The following RAD51C variants were observed in gnomAD, a reference collection of about 807,000 sequenced individuals.
RAD51C encodes the protein RAD51 paralog C.
In RAD51C, 42 loss-of-function variants were observed where a neutral mutation model predicts 45.0. That is an observed-to-expected ratio of 0.93 (90% CI 0.73 to 1.21). The LOEUF is 1.21. Among genes scored for constraint, RAD51C ranks in the 50% most tolerant of loss-of-function variants. The probability of loss-of-function intolerance (pLI) is 0.00; values close to 1 mark genes in which losing one functional copy is unlikely to be tolerated. For missense variants in RAD51C, 474 were observed against 452.2 expected (o/e 1.05, Z -0.44); for synonymous variants, 172 against 159.8 (o/e 1.08, Z -0.58).
At position 58,708,600 on chromosome 17, in the gene RAD51C, T is replaced by A. The variant is rs534215209; in HGVS notation, c.706-1259T>A. Among the ~76,000 whole-genome samples, 5 of 152,204 alleles carry A rather than the reference T, an allele frequency of 3.3e-5. No homozygotes were observed. The South Asian group carries it at 6.2e-4, about 19-fold the overall frequency. ...AAAAACATAGCATTGGAGTCTTTTG[T>A]TTGTTTACATTTGGGTTAGTTTCCA... is the stretch of plus-strand genomic sequence containing the variant. On this transcript the variant is annotated intron_variant, in intron 4 of 8. Coordinates refer to ENST00000337432, the MANE Select transcript of RAD51C (RefSeq NM_058216.3).
intron 7 of RAD51C, among the ~76,000 whole-genome samples, chr17:58,727,106 C>T (rs1405648328): frequency 6.6e-6 from 1 of 151,498 alleles, no homozygotes; most frequent in Non-Finnish European, 1.5e-5. Flanking sequence ...AGGCATGAGC[C>T]ACCGCACCCG....
rs1201951388 is a variant in RAD51C at position 58,715,157 on chromosome 17, A to G, written c.837+5167A>G. On this transcript the variant is annotated intron_variant, in intron 5 of 8. Transcript: ENST00000337432. ...AAAAAAAAAAAACAAAAAAAAACAA[A>G]AAACCTCTTTTCAGCTGGGTGCAAT... Among the ~76,000 whole-genome samples the G allele has an allele frequency of 2.0e-5, 3 of 151,996 alleles. No homozygotes were observed. The East Asian group carries it at 5.8e-4, about 29-fold the overall frequency.
At chr17:58,708,235 C>G (rs1334870106) in intron 4 of RAD51C, among the ~76,000 whole-genome samples, 1 of 151,872 alleles carries the variant, frequency 6.6e-6, no homozygotes, top group Admixed American at 6.6e-5. Flanking sequence ...CATTTTTGTG[C>G]TTTTTATTAG....
In RAD51C at chr17:58,723,735, T is replaced by G. The variant is rs572204669; in HGVS notation, c.905-305T>G. 1.2e-3 allele frequency among the ~76,000 whole-genome samples: 179 copies of G among 152,182 alleles called. 2 individuals carry two copies. The highest frequency in any genetic ancestry group is 4.3e-3 in the African/African-American group (177 of 41,542). ...AAAAAAAAGAATATTCTACCAGAGT[T>G]TTTACTTTTCTTCTGGAGGTCAGAA... On this transcript the variant is annotated intron_variant, in intron 6 of 8. Coordinates refer to ENST00000337432, the MANE Select transcript of RAD51C (RefSeq NM_058216.3).
At chr17:58,698,661 C>T (rs1408287311) in intron 3 of RAD51C, among the ~76,000 whole-genome samples, 3 of 148,450 alleles carry the variant, frequency 2.0e-5, no homozygotes, top group African/African-American at 4.9e-5. Context: ...ATTTATAGGC[C>T]GGGTGCAGTG....
chr17:58,716,014 A>G (rs2048719603), intron 5 of RAD51C, among the ~76,000 whole-genome samples: 1 of 151,930 alleles, frequency 6.6e-6, no homozygotes, highest in African/African-American at 2.4e-5. Flanking sequence ...CTGAGGCAGG[A>G]AACTCTCTTG....
At chr17:58,693,573 A>C (rs1277960275) in intron 1 of RAD51C, 2 of 152,226 alleles carry the variant, frequency 1.3e-5, no homozygotes, top group Non-Finnish European at 2.9e-5. Flanking sequence ...TGTTTAAGTC[A>C]TACCGCGCGC....
At position 58,732,483 on chromosome 17, in the gene RAD51C, G is replaced by C. The variant is rs876658272; in HGVS notation, c.966-1G>C. 1 of 1,611,910 alleles carries C rather than the reference G, an allele frequency of 6.2e-7. No homozygotes were observed. Among genetic ancestry groups the C allele is most frequent in the African/African-American group, 1.3e-5 (1 of 74,808 alleles). On this transcript the variant is annotated splice_acceptor_variant, in intron 7 of 8. Coordinates refer to ENST00000337432, the MANE Select transcript of RAD51C (RefSeq NM_058216.3). LOFTEE classifies it high-confidence loss of function. ...TGTATTTATTCTTTTTCTTTAAGCA[G>C]GTTGGCAACATTGTACAAGTCACCC...
intron 5 of RAD51C, among the ~76,000 whole-genome samples, chr17:58,712,156 G>A (rs1201350957): frequency 6.6e-6 from 1 of 151,936 alleles, no homozygotes; most frequent in Admixed American, 6.6e-5. Context: ...AGACCAGCCT[G>A]ACCAACATGG....
intron 7 of RAD51C, 110 bp from the exon 8 acceptor site, chr17:58,732,374 G>T (rs1291048839): frequency 2.3e-6 from 2 of 879,298 alleles, no homozygotes; most frequent in Non-Finnish European, 3.5e-6. Context: ...AGAAAAAATA[G>T]AATTATTAAT....
rs28363316 is a variant in RAD51C at position 58,720,526 on chromosome 17, A to G, written c.838-220A>G. On this transcript the variant is annotated intron_variant, in intron 5 of 8. Transcript: ENST00000337432. ...TGCTCTTTTGTCCAGGCTGGAGTGA[A>G]GTGGCACGCTCTTGGCTCACTGCAA... 0.011 allele frequency among the ~76,000 whole-genome samples: 1,703 copies of G among 151,772 alleles called. 37 individuals are homozygous for G. Among genetic ancestry groups the G allele is most frequent in the African/African-American group, 0.039 (1,630 of 41,418 alleles).
At chr17:58,732,600 A>G (rs1372693828) in intron 8 of RAD51C, 56 bp downstream of exon 8, 2 of 1,520,248 alleles carry the variant, frequency 1.3e-6, no homozygotes, top group Admixed American at 3.3e-5. Context: ...TAATTATCTA[A>G]AGAGAGAATT....
intron 5 of RAD51C, among the ~76,000 whole-genome samples, chr17:58,714,735 G>C (rs552078421): frequency 8.5e-5 from 13 of 152,174 alleles, no homozygotes; most frequent in Middle Eastern, 3.2e-3. Context: ...GGGATTATAC[G>C]CGTGAGCCAC....
At chr17:58,696,614 C>G (rs1321941224) in intron 2 of RAD51C, 79 bp from the exon 3 acceptor site, 1 of 1,565,154 alleles carries the variant, frequency 6.4e-7, no homozygotes, top group Admixed American at 1.7e-5. Context: ...TGATACCTAA[C>G]TTGTCATTAT....
rs786203249 is a variant in RAD51C at position 58,692,730 on chromosome 17, T to C, written c.87T>C (p.Ser29=). The change falls in exon 1 of 9, where the codon TCT becomes TCC. Residue 29 remains serine (S), a synonymous_variant. Coordinates refer to ENST00000337432, the MANE Select transcript of RAD51C (RefSeq NM_058216.3). Reference sequence around the variant, plus strand: ...CAGCGGTGCGGGTGAAGCTGGTGTCTGCGGGGTTCCAGACTGCTGAGGAAC... The same window carrying C: ...CAGCGGTGCGGGTGAAGCTGGTGTCCGCGGGGTTCCAGACTGCTGAGGAAC... ...LSPAVRVKLV[S]AGFQTAEELL... is the part of the protein sequence containing the mutation. 20 of 1,614,220 alleles carry C rather than the reference T, an allele frequency of 1.2e-5. No individual in the cohort carries two copies. Among genetic ancestry groups the C allele is most frequent in the Non-Finnish European group, 1.5e-5 (18 of 1,180,026 alleles).
intron 5 of RAD51C, among the ~76,000 whole-genome samples, chr17:58,720,154 C>T (rs2048865729): frequency 6.6e-6 from 1 of 151,216 alleles, no homozygotes. Context: ...TGGCTCACAC[C>T]TGTAATACCA....
rs587781441 is a variant in RAD51C, at chr17:58,692,735, G to C, written c.92G>C (p.Gly31Ala). The change falls in exon 1 of 9, where the codon GGG becomes GCG. Residue 31 changes from glycine to alanine, a missense_variant. Coordinates refer to ENST00000337432, the MANE Select transcript of RAD51C (RefSeq NM_058216.3). Reference sequence around the variant, plus strand: ...GTGCGGGTGAAGCTGGTGTCTGCGGGGTTCCAGACTGCTGAGGAACTCCTA... The same window carrying C: ...GTGCGGGTGAAGCTGGTGTCTGCGGCGTTCCAGACTGCTGAGGAACTCCTA... ...PAVRVKLVSA[G>A]FQTAEELLEV... is the part of the protein sequence containing the mutation. 1.2e-6 allele frequency: 2 copies of C among 1,614,230 alleles called. No individual in the cohort carries two copies. The highest frequency in any genetic ancestry group is 1.7e-6 in the Non-Finnish European group (2 of 1,180,040).
At position 58,726,393 on chromosome 17, in the gene RAD51C, GTA is replaced by G. The variant is rs546219963; in HGVS notation, c.965+2299_965+2300del. 3.1e-3 allele frequency among the ~76,000 whole-genome samples: 455 copies of G among 147,786 alleles called. 5 individuals carry two copies. The highest frequency in any genetic ancestry group is 0.011 in the African/African-American group (444 of 39,704). On this transcript the variant is annotated intron_variant, in intron 7 of 8. Transcript: ENST00000337432. ...TATATGTGTACATATATACGTGTAT[GTA>G]TATATGTGTATATATATAGATTATA...
chr17:58,732,752 G>A (rs1284798665), intron 8 of RAD51C: 22 of 548,616 alleles, frequency 4.0e-5, no homozygotes, highest in African/African-American at 2.5e-4. Flanking sequence ...TAAGAGCAGA[G>A]GAAATACTTA....
Sources: allele counts gnomAD v4.1 joint callset (sites outside exome capture counted in the v4.1 genomes callset), GRCh38; gene constraint gnomAD v4.1.1; transcripts MANE v1.5; gene names NCBI Gene and HGNC (gene_info 2026-07-23, HGNC 2026-07-21).